The following FERMT2 variants were observed in gnomAD, a reference collection of about 807,000 sequenced individuals.
FERMT2 encodes the protein FERM domain containing kindlin 2.
In FERMT2, 15 loss-of-function variants were observed where a neutral mutation model predicts 82.7. That is an observed-to-expected ratio of 0.18 (90% CI 0.12 to 0.28). The LOEUF (loss-of-function observed/expected upper bound fraction) is 0.28, where lower values mean the gene tolerates loss of function less well. Ranked by LOEUF, FERMT2 falls within the 10% of genes least tolerant of loss-of-function variation. FERMT2 has a pLI of 1.00. For missense variants in FERMT2, 645 were observed against 809.4 expected (o/e 0.80, Z 2.46); for synonymous variants, 274 against 271.5 (o/e 1.01, Z -0.09).
chr14:52,935,136 C>T (rs577933767), intron 2 of FERMT2, among the ~76,000 whole-genome samples: 16 of 152,232 alleles, frequency 1.1e-4, no homozygotes, highest in East Asian at 3.9e-4. Context: ...AATAAGTAAA[C>T]GTGCAAATTG....
intron 12 of FERMT2, chr14:52,863,088 TTGC>T (rs1372952460): frequency 1.3e-5 from 2 of 152,070 alleles, no homozygotes; most frequent in Non-Finnish European, 2.9e-5. Flanking sequence ...AAATTAGCAC[TTGC>T]TTTACTTTCT....
chr14:52,910,472 C>A (rs1174614952), intron 3 of FERMT2, among the ~76,000 whole-genome samples: 1 of 151,888 alleles, frequency 6.6e-6, no homozygotes, highest in East Asian at 1.9e-4. Context: ...ATTTGTGAAG[C>A]CTGTGTGCCA....
At chr14:52,929,412 T>C (rs932673315) in intron 2 of FERMT2, among the ~76,000 whole-genome samples, 5 of 152,180 alleles carry the variant, frequency 3.3e-5, no homozygotes, top group African/African-American at 1.2e-4. Context: ...TTTTCAGCGC[T>C]TTCATGCCAT....
Position 52,916,913 on chromosome 14 carries a change from T to C in FERMT2, c.391+2210A>G, listed in dbSNP as rs138616122. Among the ~76,000 whole-genome samples the C allele has an allele frequency of 1.6e-3, 237 of 152,314 alleles. 2 individuals are homozygous for C. The highest frequency in any genetic ancestry group is 5.6e-3 in the African/African-American group (231 of 41,576). On this transcript the variant is annotated intron_variant, in intron 3 of 14. Transcript: ENST00000341590. ...ATATAAACAATTAAAAAAAGGAACTTAGATGTCCAATAATGATTTAAAAAC... is the reference window on the plus strand; with the variant it reads ...ATATAAACAATTAAAAAAAGGAACTCAGATGTCCAATAATGATTTAAAAAC...
chr14:52,932,434 T>C (rs1231676703), intron 2 of FERMT2, among the ~76,000 whole-genome samples: 1 of 152,188 alleles, frequency 6.6e-6, no homozygotes, highest in African/African-American at 2.4e-5. Flanking sequence ...AGGAATATTT[T>C]TATTATGCAT....
intron 3 of FERMT2, among the ~76,000 whole-genome samples, chr14:52,914,867 C>A (rs1239396269): frequency 6.6e-6 from 1 of 151,874 alleles, no homozygotes; most frequent in African/African-American, 2.4e-5. Context: ...TTGCAGTGAG[C>A]GAAGATACCA....
intron 2 of FERMT2, among the ~76,000 whole-genome samples, chr14:52,920,752 A>G (rs1338699630): frequency 6.6e-6 from 1 of 152,192 alleles, no homozygotes; most frequent in Non-Finnish European, 1.5e-5. Flanking sequence ...CAGGAATTCA[A>G]GACCAGCCTG....
At chr14:52,882,539 A>C (rs1433334610) in intron 4 of FERMT2, among the ~76,000 whole-genome samples, 3 of 152,308 alleles carry the variant, frequency 2.0e-5, no homozygotes, top group Admixed American at 6.5e-5. Context: ...AGCTCCCCCA[A>C]GTCCTAGCTC....
intron 1 of FERMT2, 66 bp downstream of exon 1, chr14:52,950,855 G>A (rs1261580635): frequency 7.3e-6 from 2 of 274,202 alleles, no homozygotes; most frequent in African/African-American, 2.2e-5. Flanking sequence ...GACACAGCGC[G>A]GGCTGACTCC....
rs1329781977 is a variant in FERMT2, at chr14:52,948,564, T to C, written c.157+1848A>G. On this transcript the variant is annotated intron_variant, in intron 2 of 14. Coordinates refer to ENST00000341590, the MANE Select transcript of FERMT2 (RefSeq NM_006832.3). The stretch of plus-strand genomic sequence containing the variant: ...TCCATACGCACAGCATTTCCTACCT[T>C]GTTGGGCTTCTTTTCTCTGCATAAA... The C allele has an allele frequency of 6.6e-6, 3 of 455,836 alleles. No homozygotes were observed. In the Admixed American group the frequency reaches 7.1e-5, roughly 11 times the overall value. The allele number at this position is 455,836 out of a possible 1,614,324, so 28.2% of individuals were successfully genotyped here.
Position 52,864,386 on chromosome 14 carries a change from A to AAATG in FERMT2, c.1602+11_1602+14dup. 1 of 1,586,356 alleles carries AAATG rather than the reference A, an allele frequency of 6.3e-7. No individual in the cohort carries two copies. The highest frequency in any genetic ancestry group is 8.7e-7 in the Non-Finnish European group (1 of 1,154,944). ...ACAAACCAGCACAGTAGATGAAGTA[A>AAATG]AATGAAGTAAGTACCTGCTTGTTCT... On this transcript the variant is annotated intron_variant, in intron 12 of 14. Coordinates refer to ENST00000341590, the MANE Select transcript of FERMT2 (RefSeq NM_006832.3).
chr14:52,866,497 TCTC>T (rs1435760458), intron 10 of FERMT2, among the ~76,000 whole-genome samples: 1 of 152,066 alleles, frequency 6.6e-6, no homozygotes, highest in Non-Finnish European at 1.5e-5. Context: ...CATTATACAT[TCTC>T]CTAGCAAAAT....
chr14:52,945,141 A>C lies in FERMT2; in HGVS notation c.157+5271T>G, dbSNP rs531529990. Among the ~76,000 whole-genome samples, 3 of 152,060 alleles carry C rather than the reference A, an allele frequency of 2.0e-5. No homozygotes were observed. The East Asian group carries it at 5.8e-4, about 29-fold the overall frequency. On this transcript the variant is annotated intron_variant, in intron 2 of 14. Coordinates refer to ENST00000341590, the MANE Select transcript of FERMT2 (RefSeq NM_006832.3). ...CCGGCTGGTCTCAAACTCCTAGCTCAAGCAAACAACTTCTGAGCCTCGGCC... is the reference window on the plus strand; with the variant it reads ...CCGGCTGGTCTCAAACTCCTAGCTCCAGCAAACAACTTCTGAGCCTCGGCC...
intron 10 of FERMT2, among the ~76,000 whole-genome samples, chr14:52,866,957 T>TC (rs1346321665): frequency 6.6e-6 from 1 of 152,210 alleles, no homozygotes; most frequent in East Asian, 1.9e-4. Flanking sequence ...ACACTACATT[T>TC]CCTTCTTTCT....
intron 2 of FERMT2, chr14:52,928,004 TG>T (rs1376592389): frequency 2.6e-6 from 1 of 386,124 alleles, no homozygotes; most frequent in East Asian, 7.2e-5. Flanking sequence ...AAAAGAAAGT[TG>T]ATCAAATAAC....
chr14:52,879,977 T>C (rs1485993961), intron 6 of FERMT2, among the ~76,000 whole-genome samples: 7 of 152,174 alleles, frequency 4.6e-5, no homozygotes, highest in African/African-American at 9.7e-5. Flanking sequence ...TAAGAAAAAT[T>C]TGGCTGAGCA....
chr14:52,939,710 C>T (rs1890009140), intron 2 of FERMT2, among the ~76,000 whole-genome samples: 1 of 152,210 alleles, frequency 6.6e-6, no homozygotes, highest in Non-Finnish European at 1.5e-5. Context: ...GGCTGCCTCT[C>T]AGTCTATGCT....
chr14:52,873,036 T>C (rs1279742437), intron 9 of FERMT2, 113 bp from the exon 10 acceptor site: 4 of 985,878 alleles, frequency 4.1e-6, no homozygotes, highest in Admixed American at 4.0e-5. Flanking sequence ...TTACACGTGC[T>C]GAAATTGATC....
chr14:52,906,664 A>G (rs1194372379), intron 3 of FERMT2, among the ~76,000 whole-genome samples: 1 of 152,136 alleles, frequency 6.6e-6, no homozygotes, highest in Non-Finnish European at 1.5e-5. Flanking sequence ...TGAAAAATCT[A>G]TATAAAAATG....
Sources: allele counts gnomAD v4.1 joint callset (sites outside exome capture counted in the v4.1 genomes callset), GRCh38; gene constraint gnomAD v4.1.1; transcripts MANE v1.5; gene names NCBI Gene and HGNC (gene_info 2026-07-23, HGNC 2026-07-21).